Variants in POFUT3 observed in about 807,000 individuals in gnomAD.
The protein encoded by POFUT3 is GDP-fucose protein O-fucosyltransferase 3.
At chr8:33,382,643 G>A in the POFUT3 span, among the ~76,000 whole-genome samples, 1 of 152,148 alleles carries the variant, frequency 6.6e-6, no homozygotes, top group Non-Finnish European at 1.5e-5. Context: ...AAGGGAAGTG[G>A]TTGCCAGTTT....
chr8:33,460,416 G>A, the POFUT3 span, among the ~76,000 whole-genome samples: 1 of 152,134 alleles, frequency 6.6e-6, no homozygotes, highest in Non-Finnish European at 1.5e-5. Flanking sequence ...CTGACTAAGG[G>A]ATTACAGGTA....
the POFUT3 span, among the ~76,000 whole-genome samples, chr8:33,358,982 A>G: frequency 2.0e-5 from 3 of 152,200 alleles, no homozygotes; most frequent in Non-Finnish European, 2.9e-5. Context: ...TGGACTTCCC[A>G]GCCTCTAGAA....
At chr8:33,418,489 G>A in the POFUT3 span, among the ~76,000 whole-genome samples, 2 of 148,516 alleles carry the variant, frequency 1.3e-5, no homozygotes, top group South Asian at 4.2e-4. Flanking sequence ...TTTTAGTAGA[G>A]ACAGGGTTTC....
the POFUT3 span, among the ~76,000 whole-genome samples, chr8:33,400,478 T>A: frequency 1.3e-5 from 2 of 150,418 alleles, no homozygotes; most frequent in East Asian, 3.9e-4. Flanking sequence ...TAAATAAAAA[T>A]AAAATATAAA....
chr8:33,432,696 A>G, the POFUT3 span, among the ~76,000 whole-genome samples: 1 of 152,348 alleles, frequency 6.6e-6, no homozygotes. Flanking sequence ...TGCTGCTTAT[A>G]TAAAGGCCTG....
the POFUT3 span, among the ~76,000 whole-genome samples, chr8:33,332,781 T>G: frequency 6.6e-6 from 1 of 152,200 alleles, no homozygotes; most frequent in Non-Finnish European, 1.5e-5. Context: ...TTTCTCAGCC[T>G]TAACAGATAG....
the POFUT3 span, among the ~76,000 whole-genome samples, chr8:33,311,995 G>A: frequency 1.3e-5 from 2 of 152,108 alleles, no homozygotes; most frequent in Non-Finnish European, 2.9e-5. Context: ...GGCCAGGCAT[G>A]GTCACACTCG....
chr8:33,400,771 G>A, the POFUT3 span, among the ~76,000 whole-genome samples: 3 of 152,128 alleles, frequency 2.0e-5, no homozygotes, highest in African/African-American at 7.2e-5. Flanking sequence ...TGATGTCTGT[G>A]TATTTCTGTA....
At chr8:33,343,065 C>A in the POFUT3 span, among the ~76,000 whole-genome samples, 25 of 150,486 alleles carry the variant, frequency 1.7e-4, no homozygotes, top group African/African-American at 4.9e-4. Context: ...GAGCCAAGAT[C>A]GCGCCACTGC....
the POFUT3 span, among the ~76,000 whole-genome samples, chr8:33,408,012 AAAAG>A: frequency 1.3e-5 from 2 of 150,682 alleles, no homozygotes; most frequent in East Asian, 1.9e-4. Flanking sequence ...AAAAGAAAAG[AAAAG>A]AAAGAAAGAA....
At chr8:33,432,407 CAAA>C in the POFUT3 span, among the ~76,000 whole-genome samples, 10 of 92,794 alleles carry the variant, frequency 1.1e-4, no homozygotes, top group Non-Finnish European at 9.0e-5. Context: ...GACTCTGTCT[CAAA>C]AAAAAAAAAA....
the POFUT3 span, among the ~76,000 whole-genome samples, chr8:33,414,558 T>C: frequency 6.6e-6 from 1 of 151,594 alleles, no homozygotes. Context: ...GACTCCCTTG[T>C]CTATATACAT....
chr8:33,343,596 G>A, the POFUT3 span, among the ~76,000 whole-genome samples: 1 of 152,300 alleles, frequency 6.6e-6, no homozygotes, highest in African/African-American at 2.4e-5. Flanking sequence ...GAGAGATCCA[G>A]ACCCCAAGTT....
At chr8:33,353,991 T>C in the POFUT3 span, among the ~76,000 whole-genome samples, 1 of 152,154 alleles carries the variant, frequency 6.6e-6, no homozygotes, top group Non-Finnish European at 1.5e-5. Flanking sequence ...ACTATTTTTA[T>C]ATCTCCTCAG....
the POFUT3 span, among the ~76,000 whole-genome samples, chr8:33,331,663 TTTGTTGTTG>T: frequency 6.6e-6 from 1 of 151,300 alleles, no homozygotes; most frequent in Admixed American, 6.6e-5. Flanking sequence ...CTCTAAAGAT[TTTGTTGTTG>T]TTGTTGTTGT....
chr8:33,429,731 C>T, the POFUT3 span, among the ~76,000 whole-genome samples: 1 of 152,168 alleles, frequency 6.6e-6, no homozygotes, highest in Non-Finnish European at 1.5e-5. Context: ...CATGGTGACT[C>T]ACACCTGTAA....
the POFUT3 span, among the ~76,000 whole-genome samples, chr8:33,384,126 A>T: frequency 6.6e-6 from 1 of 152,066 alleles, no homozygotes. Flanking sequence ...AAAGCTCACA[A>T]CAAGCAGGTA....
chr8:33,455,860 C>G, the POFUT3 span: 1 of 453,214 alleles, frequency 2.2e-6, no homozygotes, highest in South Asian at 1.6e-5. Flanking sequence ...GGGGAGGGCC[C>G]GTGACTTTCA....
At chr8:33,456,587 G>A in the POFUT3 span, among the ~76,000 whole-genome samples, 103,568 of 151,462 alleles carry the variant, frequency 0.68, 36,201 homozygotes, top group African/African-American at 0.83. Context: ...TTTTTAAAAG[G>A]TATTACCTTC....
Sources: gnomAD v4.1 joint callset for allele counts (sites outside exome capture counted in the v4.1 genomes callset) on GRCh38, gnomAD v4.1.1 for gene constraint, MANE v1.5 for transcripts, NCBI Gene and HGNC (gene_info 2026-07-23, HGNC 2026-07-21) for gene names.